The following PRR14L variants were observed in gnomAD, a reference collection of about 807,000 sequenced individuals.
The protein encoded by PRR14L is proline rich 14 like, also known as protein PRR14L.
In PRR14L, 80 loss-of-function variants were observed where a neutral mutation model predicts 155.0. The ratio of observed to expected loss-of-function variants is 0.52; its 90% CI spans 0.43 to 0.62. The LOEUF (loss-of-function observed/expected upper bound fraction) is 0.62, where lower values mean the gene tolerates loss of function less well. Ranked by LOEUF, PRR14L falls within the 20% of genes least tolerant of loss-of-function variation. The pLI is 0.00. For missense variants in PRR14L, 2,469 were observed against 2,548.0 expected (o/e 0.97, Z 0.67); for synonymous variants, 883 against 916.0 (o/e 0.96, Z 0.65).
In PRR14L at chr22:31,716,553, GAAC is replaced by G. The variant is rs1334839904; in HGVS notation, c.1283_1285del (p.Cys428del). Reference sequence around the variant, plus strand: ...AGAAACAACAGGCTCTTTTTCACCAGAACAACGACCACTAATCTCCTTTTCTGG... The same window carrying G: ...AGAAACAACAGGCTCTTTTTCACCAGAACGACCACTAATCTCCTTTTCTGG... On this transcript the variant is annotated inframe_deletion, in exon 4 of 9. Coordinates refer to ENST00000327423, the MANE Select transcript of PRR14L (RefSeq NM_173566.3). 14 of 1,547,136 alleles carry G rather than the reference GAAC, an allele frequency of 9.0e-6. 1 individual carries two copies. The highest frequency in any genetic ancestry group is 1.7e-4 in the Middle Eastern group (1 of 5,992).
intron 7 of PRR14L, among the ~76,000 whole-genome samples, chr22:31,697,312 A>G (rs1601494309): frequency 6.6e-6 from 1 of 151,756 alleles, no homozygotes. Context: ...AAAAAAAAAA[A>G]AAAAAAAAAA....
At position 31,716,946 on chromosome 22, in the gene PRR14L, T is replaced by C; in HGVS notation, c.893A>G (p.Glu298Gly). The part of the protein sequence containing the change: ...AISNVDNGKE[E>G]LCKPNLVCEA... ...ACAGACCAGGTTTGGTTTACACAAC[T>C]CTTCCTTCCCATTGTCCACATTAGA... Residue 298 changes from glutamate to glycine, a missense_variant, in exon 4 of 9, where the codon GAG becomes GGG. By Grantham distance (98) the Glu-to-Gly change is moderately conservative. This residue lies in a region of PRR14L where 2,363 missense variants were observed against 2,371.6 expected (regional missense o/e 1.00). Coordinates refer to ENST00000327423, the MANE Select transcript of PRR14L (RefSeq NM_173566.3). 3 of 1,552,044 alleles carry C rather than the reference T, an allele frequency of 1.9e-6. No individual in the cohort carries two copies. The African/African-American group carries it at 4.1e-5, about 21-fold the overall frequency.
At chr22:31,735,510 G>A (rs2060966509) in intron 2 of PRR14L, among the ~76,000 whole-genome samples, 1 of 151,518 alleles carries the variant, frequency 6.6e-6, no homozygotes, top group Admixed American at 6.6e-5. Flanking sequence ...GCATGTGTAT[G>A]TATATGTATG....
At chr22:31,743,066 G>A (rs1569501190) in intron 1 of PRR14L, among the ~76,000 whole-genome samples, 1 of 152,124 alleles carries the variant, frequency 6.6e-6, no homozygotes, top group South Asian at 2.1e-4. Context: ...CCCATGGGAG[G>A]CCAAGGTGGG....
intron 4 of PRR14L, among the ~76,000 whole-genome samples, chr22:31,705,947 G>A (rs575374841): frequency 2.3e-4 from 35 of 151,756 alleles, no homozygotes; most frequent in African/African-American, 7.7e-4. Flanking sequence ...ATTGTAGTAA[G>A]CTGAGATTAT....
intron 7 of PRR14L, among the ~76,000 whole-genome samples, chr22:31,700,471 A>G (rs191324745): frequency 1.3e-5 from 2 of 152,400 alleles, no homozygotes; most frequent in East Asian, 3.9e-4. Context: ...AACATCAATC[A>G]TGACCCTAAC....
At chr22:31,687,630 G>A in intron 8 of PRR14L, among the ~76,000 whole-genome samples, 1 of 151,816 alleles carries the variant, frequency 6.6e-6, no homozygotes, top group Admixed American at 6.6e-5. Context: ...GGGATTACAG[G>A]CGTGAGCCAC....
At position 31,701,739 on chromosome 22, in the gene PRR14L, C is replaced by T; in HGVS notation, c.6024G>A (p.Lys2008=). ...QKEAEPEKRP[K]KVSQIRIRKT... is the part of the protein sequence containing the mutation. Reference sequence around the variant, plus strand: ...TCCGGATGCGAATCTGTGAGACTTTCTTTGGCCTCTTCTCTGGCTCAGCCT... The same window carrying T: ...TCCGGATGCGAATCTGTGAGACTTTTTTTGGCCTCTTCTCTGGCTCAGCCT... The change falls in exon 7 of 9, where the codon AAG becomes AAA. Residue 2008 remains lysine (K), a synonymous_variant. Transcript: ENST00000327423. The T allele has an allele frequency of 6.2e-7, 1 of 1,613,912 alleles. No homozygotes were observed. Among genetic ancestry groups the T allele is most frequent in the Non-Finnish European group, 8.5e-7 (1 of 1,179,826 alleles).
intron 2 of PRR14L, among the ~76,000 whole-genome samples, chr22:31,734,232 A>C (rs2074766585): frequency 6.6e-6 from 1 of 152,126 alleles, no homozygotes; most frequent in Non-Finnish European, 1.5e-5. Context: ...CAGCCTCCCA[A>C]AGTGCTGAGA....
At chr22:31,694,975 C>T (rs914618462) in intron 7 of PRR14L, among the ~76,000 whole-genome samples, 4 of 151,504 alleles carry the variant, frequency 2.6e-5, no homozygotes, top group South Asian at 2.1e-4. Flanking sequence ...CCCTGCTACT[C>T]GGGAGGCTGA....
Position 31,716,096 on chromosome 22 carries a change from TATTTG to T in PRR14L, c.1738_1742del (p.Gln580LysfsTer5), listed in dbSNP as rs1296379741. 6.4e-7 allele frequency: 1 copy of T among 1,551,032 alleles called. No homozygotes were observed. Among genetic ancestry groups the T allele is most frequent in the Non-Finnish European group, 8.7e-7 (1 of 1,146,902 alleles). ...GTTTTAATACCTCACTTACAGGACTTATTTGATCCTCTGGCATTAAACTCACAATG... is the reference window on the plus strand; with the variant it reads ...GTTTTAATACCTCACTTACAGGACTTATCCTCTGGCATTAAACTCACAATG... On this transcript the variant is annotated frameshift_variant, in exon 4 of 9. Coordinates refer to ENST00000327423, the MANE Select transcript of PRR14L (RefSeq NM_173566.3). LOFTEE classifies it high-confidence loss of function.
At chr22:31,738,360 C>G in intron 2 of PRR14L, 27 bp downstream of exon 2, 1 of 1,531,698 alleles carries the variant, frequency 6.5e-7, no homozygotes, top group Non-Finnish European at 8.8e-7. Context: ...ACACTCAACT[C>G]TTCGGAATGG....
At position 31,715,155 on chromosome 22, in the gene PRR14L, C is replaced by T. The variant is rs1480686654; in HGVS notation, c.2684G>A (p.Ser895Asn). 1.3e-6 allele frequency: 2 copies of T among 1,551,922 alleles called. No individual in the cohort carries two copies. The highest frequency in any genetic ancestry group is 1.2e-5 in the South Asian group (1 of 84,066). The change falls in exon 4 of 9, where the codon AGC (serine) becomes AAC (asparagine). Residue 895 changes from serine (S) to asparagine (N), a missense_variant. Coordinates refer to ENST00000327423, the MANE Select transcript of PRR14L (RefSeq NM_173566.3). ...ISNKTIHTSSSIKLSEEGLEG... is the reference protein window; with the variant it reads ...ISNKTIHTSSNIKLSEEGLEG... Reference sequence around the variant, plus strand: ...CAGCCCTTCCTCACTGAGTTTGATGCTACTGGAGGTGTGAATGGTTTTGTT... The same window carrying T: ...CAGCCCTTCCTCACTGAGTTTGATGTTACTGGAGGTGTGAATGGTTTTGTT...
chr22:31,702,075 T>C (rs1175069694), intron 6 of PRR14L, among the ~76,000 whole-genome samples: 2 of 152,136 alleles, frequency 1.3e-5, no homozygotes, highest in African/African-American at 2.4e-5. Context: ...GCTAGGACTA[T>C]AGGTGTATGC....
intron 7 of PRR14L, among the ~76,000 whole-genome samples, chr22:31,694,134 G>GTGGT (rs1339393038): frequency 3.3e-5 from 5 of 152,034 alleles, no homozygotes; most frequent in African/African-American, 1.2e-4. Context: ...AAAATTAGCC[G>GTGGT]ATGTGGTAGT....
chr22:31,733,388 T>TCCGCCTTCCACCTC lies in PRR14L; in HGVS notation c.474+4998_474+4999insGAGGTGGAAGGCGG, dbSNP rs2074761381. Among the ~76,000 whole-genome samples the TCCGCCTTCCACCTC allele has an allele frequency of 7.5e-3, 4 of 530 alleles. No homozygotes were observed. In the African/African-American group the frequency reaches 0.077, roughly 10 times the overall value. The allele number at this position is 530 out of a possible 152,430, so 0.3% of individuals were successfully genotyped here. ...GGTGCCATCTTGGCTCACTGCAACC[T>TCCGCCTTCCACCTC]CCGCCTTTGGGGTTCAAGCGATTCT... is the stretch of plus-strand genomic sequence containing the variant. On this transcript the variant is annotated intron_variant, in intron 2 of 8. Transcript: ENST00000327423.
In PRR14L at chr22:31,713,537, C is replaced by T. The variant is rs1385529096; in HGVS notation, c.4302G>A (p.Pro1434=). 14 of 1,551,960 alleles carry T rather than the reference C, an allele frequency of 9.0e-6. No individual in the cohort carries two copies. The South Asian group carries it at 9.5e-5, about 11-fold the overall frequency. Reference sequence around the variant, plus strand: ...TGGTGGACTCATCTTTGTCAGCCTTCGGTTGGTTCTGATTTTGTGCATCAT... The same window carrying T: ...TGGTGGACTCATCTTTGTCAGCCTTTGGTTGGTTCTGATTTTGTGCATCAT... The part of the protein sequence containing the change: ...LLDDAQNQNQ[P]KADKDESTMI... The change falls in exon 4 of 9, where the codon CCG becomes CCA. Residue 1434 remains proline, a synonymous_variant. Transcript: ENST00000327423.
At chr22:31,738,322 G>T in intron 2 of PRR14L, 65 bp downstream of exon 2, 2 of 1,293,444 alleles carry the variant, frequency 1.5e-6, no homozygotes, top group Non-Finnish European at 2.1e-6. Flanking sequence ...GTCAGCATCT[G>T]TATTTTATCC....
chr22:31,693,315 T>C (rs1446516273), intron 7 of PRR14L, among the ~76,000 whole-genome samples: 4 of 152,204 alleles, frequency 2.6e-5, no homozygotes, highest in Non-Finnish European at 1.5e-5. Flanking sequence ...CAGAATGTCA[T>C]AGAGCTGAAC....
Sources: gnomAD v4.1 joint callset for allele counts (sites outside exome capture counted in the v4.1 genomes callset) on GRCh38, gnomAD v4.1.1 for gene constraint, gnomAD v4.1.1 regional missense constraint, MANE v1.5 for transcripts, NCBI Gene and HGNC (gene_info 2026-07-23, HGNC 2026-07-21) for gene names.